The following TCF7L2 variants were observed in gnomAD, a reference collection of about 807,000 sequenced individuals.
TCF7L2 encodes transcription factor 7-like 2.
Under a neutral mutation model 77.9 loss-of-function variants are expected in TCF7L2, and 23 were observed. The ratio of observed to expected loss-of-function variants is 0.30; its 90% CI spans 0.21 to 0.42. The LOEUF (loss-of-function observed/expected upper bound fraction) is 0.42, where lower values mean the gene tolerates loss of function less well. TCF7L2 is among the 10% of genes least tolerant of loss of function. TCF7L2 has a pLI of 1.00. For synonymous variants in TCF7L2, 413 were observed against 340.2 expected (o/e 1.21, Z -2.36); for missense variants, 654 against 793.1 (o/e 0.82, Z 2.11).
intron 5 of TCF7L2, among the ~76,000 whole-genome samples, chr10:113,088,343 A>G (rs571967138): frequency 4.6e-5 from 7 of 152,148 alleles, no homozygotes; most frequent in African/African-American, 1.4e-4. Flanking sequence ...ATTTACTAGC[A>G]GTGTGACCTT....
At chr10:113,161,743 G>A (rs958805759) in intron 13 of TCF7L2, 14 of 899,126 alleles carry the variant, frequency 1.6e-5, no homozygotes, top group African/African-American at 3.3e-5. Context: ...GCATGCCCAC[G>A]AGTCTCCTGT....
chr10:113,126,534 G>GA (rs1230405916), intron 5 of TCF7L2: 3 of 982,084 alleles, frequency 3.1e-6, no homozygotes, highest in Non-Finnish European at 2.4e-6. Context: ...GGGTTTGGGG[G>GA]AAAAAAAGAA....
At chr10:113,066,188 C>A (rs1359653551) in intron 5 of TCF7L2, among the ~76,000 whole-genome samples, 2 of 151,972 alleles carry the variant, frequency 1.3e-5, no homozygotes, top group Admixed American at 1.3e-4. Context: ...CATGGTGAAA[C>A]CCTGTCTCTA....
chr10:113,041,481 T>G (rs1009050636), intron 5 of TCF7L2, among the ~76,000 whole-genome samples: 8 of 152,196 alleles, frequency 5.3e-5, no homozygotes, highest in Non-Finnish European at 1.2e-4. Context: ...GCTGAGTCAG[T>G]GGCCAGAGCA....
chr10:113,001,130 G>A (rs1417167706), intron 4 of TCF7L2, among the ~76,000 whole-genome samples: 1 of 152,202 alleles, frequency 6.6e-6, no homozygotes, highest in Non-Finnish European at 1.5e-5. Flanking sequence ...TGGGGAATGT[G>A]CTGGCTTGGA....
rs60731190 is a variant in TCF7L2 at position 113,058,387 on chromosome 10, C to T, written c.552+18261C>T. On this transcript the variant is annotated intron_variant, in intron 5 of 13. Transcript: ENST00000627217. ...TCCTCAATTCTAAACAAAGAGTCTG[C>T]AATGGGAAGATGGCCAAATGCTGTT... is the stretch of plus-strand genomic sequence containing the variant. 4.8e-3 allele frequency among the ~76,000 whole-genome samples: 734 copies of T among 152,116 alleles called. 5 individuals are homozygous for T. Among genetic ancestry groups the T allele is most frequent in the African/African-American group, 0.017 (692 of 41,476 alleles).
intron 5 of TCF7L2, among the ~76,000 whole-genome samples, chr10:113,056,273 C>T (rs1249186754): frequency 6.6e-6 from 1 of 152,246 alleles, no homozygotes; most frequent in South Asian, 2.1e-4. Context: ...TTTCTGACCA[C>T]AAAGCTCGTT....
At chr10:113,146,187 C>T (rs1218309890) in intron 8 of TCF7L2, 90 bp downstream of exon 8, 2 of 1,168,424 alleles carry the variant, frequency 1.7e-6, no homozygotes, top group African/African-American at 1.5e-5. Flanking sequence ...CCAGGGACCA[C>T]AGCTACATGT....
chr10:113,110,479 G>A (rs1367184707), intron 5 of TCF7L2, among the ~76,000 whole-genome samples: 3 of 148,772 alleles, frequency 2.0e-5, no homozygotes, highest in Non-Finnish European at 4.4e-5. Flanking sequence ...TCCTTAATTG[G>A]TTCTATATAT....
intron 3 of TCF7L2, among the ~76,000 whole-genome samples, chr10:112,952,615 G>C (rs1349668846): frequency 6.6e-6 from 1 of 152,182 alleles, no homozygotes. Flanking sequence ...GGCCCCAGGG[G>C]GGCCAGAGAC....
chr10:112,951,529 C>T lies in TCF7L2; in HGVS notation c.303C>T (p.Pro101=), dbSNP rs957371047. The change falls in exon 3 of 14, where the codon CCC becomes CCT. Residue 101 remains proline (P), a synonymous_variant. Coordinates refer to ENST00000627217, the MANE Select transcript of TCF7L2 (RefSeq NM_001146274.2). Reference sequence around the variant, plus strand: ...GGCTCTTTAAGGGGCCACCGTATCCCGGCTACCCCTTCATCATGATCCCCG... The same window carrying T: ...GGCTCTTTAAGGGGCCACCGTATCCTGGCTACCCCTTCATCATGATCCCCG... 4.9e-6 allele frequency: 7 copies of T among 1,429,620 alleles called. No individual in the cohort carries two copies. The African/African-American group carries it at 9.0e-5, about 18-fold the overall frequency. 88.6% of individuals were successfully genotyped at this position (1,429,620 alleles called of 1,614,324 possible).
chr10:112,950,664 T>G lies in TCF7L2; in HGVS notation c.-93T>G. On this transcript the variant is annotated 5_prime_UTR_variant, in exon 1 of 14. Coordinates refer to ENST00000627217, the MANE Select transcript of TCF7L2 (RefSeq NM_001146274.2). Reference sequence around the variant, plus strand: ...ACTCGTCTTTTTCTTGCAATATTTTTTGGGGGGGCAAAACTTTTTGGGGGT... The same window carrying G: ...ACTCGTCTTTTTCTTGCAATATTTTGTGGGGGGGCAAAACTTTTTGGGGGT... 1.4e-6 allele frequency: 2 copies of G among 1,439,832 alleles called. No individual in the cohort carries two copies. Among genetic ancestry groups the G allele is most frequent in the Non-Finnish European group, 1.9e-6 (2 of 1,076,544 alleles). The allele number at this position is 1,439,832 out of a possible 1,614,324, so 89.2% of individuals were successfully genotyped here.
intron 5 of TCF7L2, among the ~76,000 whole-genome samples, chr10:113,096,172 C>T (rs80025052): frequency 3.0e-4 from 46 of 152,258 alleles, no homozygotes; most frequent in Non-Finnish European, 5.6e-4. Context: ...GAGGGGTAGA[C>T]GCTGCAGGGG....
chr10:113,069,227 C>A (rs2057647905), intron 5 of TCF7L2, among the ~76,000 whole-genome samples: 1 of 150,512 alleles, frequency 6.6e-6, no homozygotes, highest in African/African-American at 2.5e-5. Context: ...GTCTGTAACT[C>A]ATATTCTTTT....
intron 4 of TCF7L2, among the ~76,000 whole-genome samples, chr10:113,037,349 C>A (rs1228237634): frequency 6.6e-6 from 1 of 152,126 alleles, no homozygotes; most frequent in Admixed American, 6.6e-5. Flanking sequence ...ACTGTGGAGT[C>A]CCTGCAAGTC....
At chr10:113,080,710 T>G (rs1221872827) in intron 5 of TCF7L2, among the ~76,000 whole-genome samples, 1 of 152,230 alleles carries the variant, frequency 6.6e-6, no homozygotes, top group East Asian at 1.9e-4. Context: ...TGGTGTCTCT[T>G]AACCAACATG....
intron 12 of TCF7L2, 27 bp from the exon 14 acceptor site, chr10:113,159,893 G>T: frequency 7.1e-7 from 1 of 1,409,660 alleles, no homozygotes; most frequent in Non-Finnish European, 9.5e-7. Context: ...CTCCTCCTCT[G>T]CTCGCTTCTC....
At chr10:113,160,771 C>A in intron 13 of TCF7L2, 1 of 1,328,348 alleles carries the variant, frequency 7.5e-7, no homozygotes, top group South Asian at 1.4e-5. Context: ...TTTATTTTGA[C>A]CTCGTTCCCC....
intron 5 of TCF7L2, among the ~76,000 whole-genome samples, chr10:113,117,515 G>T (rs1325470077): frequency 1.3e-5 from 2 of 150,468 alleles, no homozygotes; most frequent in Admixed American, 1.3e-4. Context: ...GATACAATGA[G>T]ATTTCTTTCC....
Sources: gnomAD v4.1 joint callset for allele counts (sites outside exome capture counted in the v4.1 genomes callset) on GRCh38, gnomAD v4.1.1 for gene constraint, MANE v1.5 for transcripts, NCBI Gene and HGNC (gene_info 2026-07-23, HGNC 2026-07-21) for gene names.